Variants in C12orf56 observed in about 807,000 individuals in gnomAD.
The protein encoded by C12orf56 is chromosome 12 open reading frame 56, also known as uncharacterized protein C12orf56.
A neutral mutation model predicts 69.9 loss-of-function variants in C12orf56; 71 were observed. The observed-to-expected ratio is 1.02, with a 90% CI of 0.84 to 1.24. C12orf56 has a LOEUF of 1.24. C12orf56 is among the 50% of genes most tolerant of loss of function. C12orf56 has a pLI of 0.00. For missense variants in C12orf56, 732 were observed against 738.5 expected (o/e 0.99, Z 0.10); for synonymous variants, 276 against 274.1 (o/e 1.01, Z -0.07).
chr12:64,346,715 C>T (rs2039148043), intron 2 of C12orf56, among the ~76,000 whole-genome samples: 1 of 152,080 alleles, frequency 6.6e-6, no homozygotes, highest in South Asian at 2.1e-4. Context: ...CAACCAGCCC[C>T]ATCCTGAAGC....
At chr12:64,329,173 C>T (rs2038892824) in intron 3 of C12orf56, among the ~76,000 whole-genome samples, 1 of 152,084 alleles carries the variant, frequency 6.6e-6, no homozygotes, top group Admixed American at 6.6e-5. Context: ...ACCAGATAAG[C>T]CCACTAGAAC....
chr12:64,326,750 AAAG>A (rs1378744852), intron 3 of C12orf56, among the ~76,000 whole-genome samples: 7 of 151,670 alleles, frequency 4.6e-5, no homozygotes, highest in Non-Finnish European at 5.9e-5. Context: ...AAAAAAAAAA[AAAG>A]AAAGAAAGAA....
intron 2 of C12orf56, chr12:64,338,555 CTT>C: frequency 6.7e-7 from 1 of 1,483,124 alleles, no homozygotes; most frequent in Non-Finnish European, 9.4e-7. Flanking sequence ...GACTTTGAGT[CTT>C]GCTTGATTCA....
At chr12:64,333,568 C>A (rs539146241) in intron 2 of C12orf56, among the ~76,000 whole-genome samples, 2 of 152,160 alleles carry the variant, frequency 1.3e-5, no homozygotes, top group Non-Finnish European at 2.9e-5. Flanking sequence ...GTGGCACAAT[C>A]TCGGCTCACT....
chr12:64,388,997 C>CTT (rs56741001), intron 1 of C12orf56: 2 of 151,456 alleles, frequency 1.3e-5, no homozygotes, highest in Admixed American at 6.6e-5. Context: ...GAAAAAAAAT[C>CTT]TTTTTTTTTC....
intron 6 of C12orf56, among the ~76,000 whole-genome samples, chr12:64,294,875 TG>T (rs763956692): frequency 2.1e-4 from 31 of 150,274 alleles, no homozygotes; most frequent in Non-Finnish European, 4.0e-4. Context: ...TTTTTAAAAA[TG>T]AAAAAAAAAT....
intron 6 of C12orf56, among the ~76,000 whole-genome samples, chr12:64,298,012 A>G (rs1170933395): frequency 6.6e-6 from 1 of 152,188 alleles, no homozygotes; most frequent in African/African-American, 2.4e-5. Flanking sequence ...ACAGTGTAAA[A>G]GCATTCCTAT....
intron 1 of C12orf56, among the ~76,000 whole-genome samples, chr12:64,380,445 G>A (rs984970153): frequency 2.0e-5 from 3 of 152,150 alleles, no homozygotes; most frequent in African/African-American, 7.2e-5. Flanking sequence ...CGTCTACTAA[G>A]TGTCAGGGAA....
At chr12:64,304,733 G>C (rs2038489303) in intron 5 of C12orf56, among the ~76,000 whole-genome samples, 1 of 152,178 alleles carries the variant, frequency 6.6e-6, no homozygotes. Flanking sequence ...GCTCTGGCCT[G>C]AGTGCTTTCC....
Position 64,318,825 on chromosome 12 carries a change from A to G in C12orf56, c.644T>C (p.Val215Ala). The change falls in exon 4 of 13, where the codon GTC (valine) becomes GCC (alanine). Residue 215 changes from valine to alanine, a missense_variant. Physicochemically the swap from Val to Ala is moderately conservative, Grantham distance 64. Transcript: ENST00000543942. ...GTTTGTTGTGCAAGATGGCTCGCTG[A>G]CAGCCTTGCCAGTTGTTGGTGCAGA... ...SQSAPTTGKAVSEPSCTTNTK... is the reference protein window; with the variant it reads ...SQSAPTTGKAASEPSCTTNTK... 2 of 1,537,186 alleles carry G rather than the reference A, an allele frequency of 1.3e-6. No homozygotes were observed. Among genetic ancestry groups the G allele is most frequent in the Non-Finnish European group, 1.7e-6 (2 of 1,146,892 alleles).
At chr12:64,356,523 A>G (rs11175357) in intron 1 of C12orf56, among the ~76,000 whole-genome samples, 18,429 of 152,164 alleles carry the variant, frequency 0.12, 1,301 homozygotes, top group East Asian at 0.36. Flanking sequence ...GTTGGACCGC[A>G]CAGTCTAAGC....
intron 1 of C12orf56, among the ~76,000 whole-genome samples, chr12:64,354,356 C>T (rs2039277217): frequency 6.6e-6 from 1 of 152,186 alleles, no homozygotes; most frequent in African/African-American, 2.4e-5. Context: ...AGGGGAATCA[C>T]TGGAGCCCAG....
intron 1 of C12orf56, among the ~76,000 whole-genome samples, chr12:64,380,127 A>AAAC (rs2039698530): frequency 1.9e-5 from 1 of 53,022 alleles, no homozygotes; most frequent in African/African-American, 5.1e-5. Flanking sequence ...AAAAAAAAAA[A>AAAC]AAAAAAACAA....
At chr12:64,334,165 C>G (rs2038964931) in intron 2 of C12orf56, among the ~76,000 whole-genome samples, 1 of 152,180 alleles carries the variant, frequency 6.6e-6, no homozygotes, top group Non-Finnish European at 1.5e-5. Context: ...CATCTGCTTT[C>G]TCTATTGCAA....
Position 64,300,291 on chromosome 12 carries a change from G to A in C12orf56, c.1113+3344C>T, listed in dbSNP as rs564293220. Among the ~76,000 whole-genome samples, 39 of 152,116 alleles carry A rather than the reference G, an allele frequency of 2.6e-4. No individual in the cohort carries two copies. In the South Asian group the frequency reaches 6.0e-3, roughly 23 times the overall value. Reference sequence around the variant, plus strand: ...GAGGTGAGAGAGAAGATGAAGTGGCGGGTCAGGTCTGTGAATCCTAACCTT... The same window carrying A: ...GAGGTGAGAGAGAAGATGAAGTGGCAGGTCAGGTCTGTGAATCCTAACCTT... On this transcript the variant is annotated intron_variant, in intron 6 of 12. Coordinates refer to ENST00000543942, the MANE Select transcript of C12orf56 (RefSeq NM_001170633.2).
chr12:64,367,810 CTT>C (rs1199792016), intron 1 of C12orf56, among the ~76,000 whole-genome samples: 19 of 127,482 alleles, frequency 1.5e-4, no homozygotes, highest in Admixed American at 1.6e-4. Context: ...GGCACTCTTT[CTT>C]TTTTTTTTTT....
chr12:64,329,635 C>G (rs1311300382), intron 3 of C12orf56, among the ~76,000 whole-genome samples: 1 of 147,616 alleles, frequency 6.8e-6, no homozygotes, highest in African/African-American at 2.5e-5. Context: ...ACTAACTCGT[C>G]ATCTAGCATT....
At chr12:64,377,788 T>C (rs1380687766) in intron 1 of C12orf56, among the ~76,000 whole-genome samples, 1 of 152,172 alleles carries the variant, frequency 6.6e-6, no homozygotes, top group Non-Finnish European at 1.5e-5. Flanking sequence ...AACTGAAACA[T>C]ACAAAATGTA....
intron 1 of C12orf56, among the ~76,000 whole-genome samples, chr12:64,386,092 A>G (rs2039784794): frequency 1.3e-5 from 2 of 152,150 alleles, no homozygotes; most frequent in South Asian, 4.1e-4. Flanking sequence ...GGCCCCCTAC[A>G]TTCCTTGGCT....
Sources: allele counts gnomAD v4.1 joint callset (sites outside exome capture counted in the v4.1 genomes callset), GRCh38; gene constraint gnomAD v4.1.1; transcripts MANE v1.5; gene names NCBI Gene and HGNC (gene_info 2026-07-23, HGNC 2026-07-21).